The following THADA variants were observed in gnomAD, a reference collection of about 807,000 sequenced individuals.
THADA encodes THADA armadillo repeat containing, also known as tRNA (32-2'-O)-methyltransferase regulator THADA.
Under a neutral mutation model 219.8 loss-of-function variants are expected in THADA, and 213 were observed. That is an observed-to-expected ratio of 0.97 (90% CI 0.87 to 1.09). THADA has a LOEUF of 1.09. THADA is among the 50% of genes least tolerant of loss of function. The pLI is 0.00. For synonymous variants in THADA, 1,018 were observed against 828.9 expected (o/e 1.23, Z -3.92); for missense variants, 2,956 against 2,311.3 (o/e 1.28, Z -5.72).
intron 25 of THADA, among the ~76,000 whole-genome samples, chr2:43,496,095 T>A (rs1216375163): frequency 6.6e-6 from 1 of 152,226 alleles, no homozygotes; most frequent in Non-Finnish European, 1.5e-5. Context: ...AGAAATGGTT[T>A]GTGCAGCTTA....
intron 22 of THADA, among the ~76,000 whole-genome samples, chr2:43,509,042 C>T (rs1346986633): frequency 6.6e-6 from 1 of 152,090 alleles, no homozygotes; most frequent in East Asian, 1.9e-4. Flanking sequence ...TTTGCATCCA[C>T]ACTCAAAATA....
chr2:43,567,327 T>C (rs549617302), intron 14 of THADA, among the ~76,000 whole-genome samples: 10 of 152,182 alleles, frequency 6.6e-5, no homozygotes, highest in African/African-American at 2.4e-4. Context: ...TAAAACAGGA[T>C]TCACATTAAA....
intron 26 of THADA, among the ~76,000 whole-genome samples, chr2:43,467,253 C>T (rs991927052): frequency 6.9e-6 from 1 of 145,424 alleles, no homozygotes; most frequent in African/African-American, 2.5e-5. Context: ...TTAAGAAATA[C>T]TGTATATTAT....
intron 4 of THADA, among the ~76,000 whole-genome samples, chr2:43,587,328 T>C (rs762523166): frequency 6.6e-6 from 1 of 152,232 alleles, no homozygotes; most frequent in Non-Finnish European, 1.5e-5. Context: ...GTGTTTACAG[T>C]GACCTACAAG....
chr2:43,271,486 G>T lies in THADA; in HGVS notation c.5296+8279C>A, dbSNP rs564473535. 2.0e-5 allele frequency among the ~76,000 whole-genome samples: 3 copies of T among 152,126 alleles called. No homozygotes were observed. In the South Asian group the frequency reaches 6.2e-4, roughly 32 times the overall value. ...CTTACTGGGTTTAACTACTTTGATA[G>T]ATACATTCCTCAATTCATTCATTCA... On this transcript the variant is annotated intron_variant, in intron 36 of 37. Coordinates refer to ENST00000405975, the MANE Select transcript of THADA (RefSeq NM_022065.5).
intron 31 of THADA, among the ~76,000 whole-genome samples, chr2:43,306,484 G>A (rs975171840): frequency 6.6e-6 from 1 of 152,138 alleles, no homozygotes; most frequent in Non-Finnish European, 1.5e-5. Flanking sequence ...TGCTAACTGG[G>A]AAGATTCCTT....
chr2:43,514,781 T>C (rs1405015139), intron 22 of THADA, among the ~76,000 whole-genome samples: 5 of 92,438 alleles, frequency 5.4e-5, no homozygotes, highest in Non-Finnish European at 9.2e-5. Context: ...ATATATTTTA[T>C]ATATAATAAT....
At chr2:43,284,349 A>T (rs1433941786) in intron 35 of THADA, among the ~76,000 whole-genome samples, 1 of 152,150 alleles carries the variant, frequency 6.6e-6, no homozygotes, top group African/African-American at 2.4e-5. Flanking sequence ...CAGCCTCAGG[A>T]CACAGCACGC....
intron 8 of THADA, among the ~76,000 whole-genome samples, chr2:43,579,349 G>C (rs1293307201): frequency 6.6e-6 from 1 of 152,126 alleles, no homozygotes; most frequent in African/African-American, 2.4e-5. Context: ...AAAGAATGTA[G>C]GTAAGTGCTA....
chr2:43,293,517 C>T (rs1248459575), intron 31 of THADA, among the ~76,000 whole-genome samples: 2 of 152,098 alleles, frequency 1.3e-5, no homozygotes, highest in Non-Finnish European at 2.9e-5. Flanking sequence ...TATCACCGAG[C>T]CTCAAAGCTG....
chr2:43,298,688 C>A (rs948886804), intron 31 of THADA, among the ~76,000 whole-genome samples: 16 of 152,142 alleles, frequency 1.1e-4, no homozygotes, highest in Middle Eastern at 3.4e-3. Context: ...TAAGTATAGT[C>A]TGCTGGACTT....
rs541732477 is a variant in THADA at position 43,594,578 on chromosome 2, C to G, written c.-25+1353G>C. Among the ~76,000 whole-genome samples the G allele has an allele frequency of 4.6e-3, 622 of 135,918 alleles. 2 individuals are homozygous for G. The highest frequency in any genetic ancestry group is 7.2e-3 in the Non-Finnish European group (459 of 63,888). The allele number at this position is 135,918 out of a possible 152,430, so 89.2% of individuals were successfully genotyped here. On this transcript the variant is annotated intron_variant, in intron 1 of 37. Transcript: ENST00000405975. ...CAGCCTGGGAGACAAGAGCGAAACT[C>G]CATCTCAAATAAATAAATAAATAAA... is the stretch of plus-strand genomic sequence containing the variant.
At chr2:43,441,272 C>A (rs1426049648) in intron 26 of THADA, among the ~76,000 whole-genome samples, 1 of 152,124 alleles carries the variant, frequency 6.6e-6, no homozygotes, top group Non-Finnish European at 1.5e-5. Flanking sequence ...AATGTCAACC[C>A]TATTTCTGGT....
chr2:43,438,298 TCAAAA>T (rs1680392193), intron 26 of THADA, among the ~76,000 whole-genome samples: 2 of 38,518 alleles, frequency 5.2e-5, no homozygotes, highest in South Asian at 2.0e-3. Flanking sequence ...CGACTCCATC[TCAAAA>T]AAAAAAAAAA....
intron 26 of THADA, among the ~76,000 whole-genome samples, chr2:43,480,031 A>G (rs1685999565): frequency 6.6e-6 from 1 of 152,222 alleles, no homozygotes; most frequent in African/African-American, 2.4e-5. Flanking sequence ...GACAAAATAA[A>G]ATCTAAAGCC....
At chr2:43,431,528 C>T (rs569593694) in intron 26 of THADA, among the ~76,000 whole-genome samples, 4 of 150,690 alleles carry the variant, frequency 2.7e-5, no homozygotes, top group African/African-American at 4.9e-5. Flanking sequence ...TGCAGTGGTG[C>T]GATCTCGGCT....
chr2:43,484,874 T>C (rs1241773306), intron 26 of THADA, among the ~76,000 whole-genome samples: 1 of 149,352 alleles, frequency 6.7e-6, no homozygotes, highest in Non-Finnish European at 1.5e-5. Flanking sequence ...AAAGATATTA[T>C]ACAAGCTAGG....
chr2:43,535,675 C>CAAA (rs1177702416), intron 21 of THADA, among the ~76,000 whole-genome samples: 1,484 of 30,358 alleles, frequency 0.049, 144 homozygotes, highest in African/African-American at 0.13. Context: ...CAGCGAGACT[C>CAAA]AAAAAAAAAA....
chr2:43,384,618 A>C (rs1672419320), intron 29 of THADA, among the ~76,000 whole-genome samples: 1 of 152,188 alleles, frequency 6.6e-6, no homozygotes, highest in Non-Finnish European at 1.5e-5. Context: ...ATCAGACCTG[A>C]TGACTATTTC....
Sources: gnomAD v4.1 joint callset for allele counts (sites outside exome capture counted in the v4.1 genomes callset) on GRCh38, gnomAD v4.1.1 for gene constraint, MANE v1.5 for transcripts, NCBI Gene and HGNC (gene_info 2026-07-23, HGNC 2026-07-21) for gene names.